The following DACH2 variants were observed in gnomAD, a reference collection of about 807,000 sequenced individuals.
DACH2 encodes dachshund homolog 2.
A neutral mutation model predicts 35.8 loss-of-function variants in DACH2; 17 were observed. The ratio of observed to expected loss-of-function variants is 0.48; its 90% confidence interval spans 0.33 to 0.71. The LOEUF (loss-of-function observed/expected upper bound fraction) is 0.71, where lower values mean the gene tolerates loss of function less well. DACH2 is among the 30% of genes least tolerant of loss of function. The pLI, the probability that DACH2 is intolerant of heterozygous loss-of-function variation, is 0.02. For missense variants in DACH2, 469 were observed against 472.7 expected, an observed-to-expected ratio of 0.99 and a Z score of 0.07; for synonymous variants, 195 against 177.3, an observed-to-expected ratio of 1.10 and a Z score of -0.79.
chrX:86,614,384 T>A (rs766013514), intron 3 of DACH2, among the ~76,000 whole-genome samples: 6 of 111,298 alleles, frequency 5.4e-5, no homozygotes, highest in Admixed American at 9.6e-5. Context: ...ATAGAAAAAA[T>A]TAAGAAAAAT....
chrX:86,716,261 T>C (rs1166438110), intron 6 of DACH2, among the ~76,000 whole-genome samples: 3 of 112,155 alleles, frequency 2.7e-5, no homozygotes, highest in African/African-American at 9.7e-5. Flanking sequence ...AAATATTTGA[T>C]GGGAGTGTAA....
intron 1 of DACH2, among the ~76,000 whole-genome samples, chrX:86,259,954 A>G (rs1358472388): frequency 6.4e-5 from 7 of 109,508 alleles, no homozygotes; most frequent in Admixed American, 3.9e-4. Flanking sequence ...CTTACTGCTT[A>G]TTTTTTTTTA....
intron 4 of DACH2, among the ~76,000 whole-genome samples, chrX:86,677,693 C>A (rs11092814): frequency 0.24 from 26,630 of 111,074 alleles, 2,571 homozygotes; most frequent in Admixed American, 0.46. Context: ...AAAGTGAATT[C>A]TCAAGTTTTA....
At chrX:86,469,217 G>T (rs1371466284) in intron 2 of DACH2, among the ~76,000 whole-genome samples, 1 of 110,893 alleles carries the variant, frequency 9.0e-6, no homozygotes, top group East Asian at 2.8e-4. Flanking sequence ...GGGGATTGAG[G>T]AGATGTTGGA....
intron 2 of DACH2, chrX:86,512,833 AAG>A (rs2038414138): frequency 3.2e-6 from 1 of 315,021 alleles, no homozygotes; most frequent in Admixed American, 3.4e-5. Context: ...CATTCCTTAA[AAG>A]AGTCAGAAAG....
At chrX:86,283,935 C>A (rs1487839717) in intron 1 of DACH2, among the ~76,000 whole-genome samples, 1 of 110,475 alleles carries the variant, frequency 9.1e-6, no homozygotes, top group East Asian at 2.8e-4. Context: ...ATCCTGCTGA[C>A]TTTTGTGCAT....
chrX:86,294,424 T>C (rs761263243), intron 1 of DACH2, among the ~76,000 whole-genome samples: 156 of 110,113 alleles, frequency 1.4e-3, no homozygotes, highest in African/African-American at 4.7e-3. Flanking sequence ...TCTCTCAGCT[T>C]GTCAAAGTCA....
Position 86,148,703 on chromosome X carries a change from T to A in DACH2, c.83T>A (p.Leu28Gln), listed in dbSNP as rs1222581117. ...VPGGLFRAEP[L>Q]YSTPREPPRL... ...GGGGGCTTATTCCGGGCCGAACCCC[T>A]GTACTCGACTCCCAGAGAGCCCCCT... Residue 28 changes from leucine (L) to glutamine (Q), a missense_variant, in exon 1 of 12, where the codon CTG becomes CAG. Physicochemically the swap from Leu to Gln is moderately radical, Grantham distance 113. Transcript: ENST00000373125. 8.3e-7 allele frequency: 1 copy of A among 1,207,767 alleles called. No individual in the cohort carries two copies. Among genetic ancestry groups the A allele is most frequent in the Non-Finnish European group, 1.1e-6 (1 of 894,441 alleles).
intron 4 of DACH2, among the ~76,000 whole-genome samples, chrX:86,676,734 G>A (rs2040829623): frequency 9.0e-6 from 1 of 111,689 alleles, no homozygotes. Flanking sequence ...GCATGTATAT[G>A]CCTGAATTGA....
intron 1 of DACH2, among the ~76,000 whole-genome samples, chrX:86,324,033 G>T (rs2148039878): frequency 8.9e-6 from 1 of 112,037 alleles, no homozygotes; most frequent in South Asian, 3.7e-4. Context: ...CCCCCAAAAT[G>T]AAGCAGCTTT....
At chrX:86,616,969 G>A (rs188859208) in intron 3 of DACH2, among the ~76,000 whole-genome samples, 2 of 111,826 alleles carry the variant, frequency 1.8e-5, no homozygotes, top group Non-Finnish European at 1.9e-5. Context: ...GTCCAATTTC[G>A]ATCTTCTGCA....
At chrX:86,597,577 G>T (rs567245156) in intron 3 of DACH2, among the ~76,000 whole-genome samples, 3 of 111,557 alleles carry the variant, frequency 2.7e-5, no homozygotes, top group African/African-American at 9.8e-5. Context: ...TTATTGTCTA[G>T]CATGTGGTTT....
chrX:86,396,105 T>C (rs1226964059), intron 2 of DACH2, among the ~76,000 whole-genome samples: 1 of 112,190 alleles, frequency 8.9e-6, no homozygotes, highest in Non-Finnish European at 1.9e-5. Context: ...TGGTATCTCA[T>C]TGTGGTTTTG....
chrX:86,320,968 A>C (rs936483409), intron 1 of DACH2, among the ~76,000 whole-genome samples: 1 of 111,585 alleles, frequency 9.0e-6, no homozygotes, highest in Non-Finnish European at 1.9e-5. Context: ...ATTTCTCTGT[A>C]CCCAGGTACT....
chrX:86,799,112 G>C, intron 7 of DACH2: 1 of 330,580 alleles, frequency 3.0e-6, no homozygotes, highest in South Asian at 3.1e-5. Flanking sequence ...GCTAGAAGCT[G>C]ACCATTCACT....
chrX:86,760,053 G>A (rs180979027), intron 7 of DACH2, among the ~76,000 whole-genome samples: 24 of 111,630 alleles, frequency 2.1e-4, no homozygotes, highest in Admixed American at 1.9e-3. Context: ...ATCCTGCCTT[G>A]TAAGCTTTTC....
chrX:86,277,148 C>A (rs1174382857), intron 1 of DACH2, among the ~76,000 whole-genome samples: 2 of 111,383 alleles, frequency 1.8e-5, no homozygotes, highest in Non-Finnish European at 3.8e-5. Flanking sequence ...AATATTGATT[C>A]TTCTAATTTA....
At chrX:86,512,618 A>C (rs1252521282) in intron 2 of DACH2, among the ~76,000 whole-genome samples, 1 of 112,110 alleles carries the variant, frequency 8.9e-6, no homozygotes, top group Non-Finnish European at 1.9e-5. Context: ...AAGACTAATC[A>C]GGTGTGTTTA....
intron 1 of DACH2, among the ~76,000 whole-genome samples, chrX:86,301,381 C>T (rs2034572088): frequency 9.0e-6 from 1 of 111,354 alleles, no homozygotes; most frequent in African/African-American, 3.3e-5. Flanking sequence ...AAAGCCTTGC[C>T]CTTCTGCTTC....
Sources: gnomAD v4.1 joint callset for allele counts (sites outside exome capture counted in the v4.1 genomes callset) on GRCh38, gnomAD v4.1.1 for gene constraint, MANE v1.5 for transcripts, NCBI Gene and HGNC (gene_info 2026-07-23, HGNC 2026-07-21) for gene names.